Variants in ANKRD55 observed in about 807,000 individuals in gnomAD.
The protein encoded by ANKRD55 is ankyrin repeat domain 55, also known as ankyrin repeat domain-containing protein 55.
A neutral mutation model predicts 60.6 loss-of-function variants in ANKRD55; 41 were observed. That is an observed-to-expected ratio of 0.68 (90% CI 0.53 to 0.88). The LOEUF is 0.88. Ranked by LOEUF, ANKRD55 falls within the 40% of genes least tolerant of loss-of-function variation. ANKRD55 has a pLI of 0.00. For synonymous variants in ANKRD55, 264 were observed against 290.3 expected (o/e 0.91, Z 0.92); for missense variants, 732 against 767.6 (o/e 0.95, Z 0.55).
chr5:56,208,255 C>T (rs1480268162), intron 2 of ANKRD55, among the ~76,000 whole-genome samples: 2 of 151,652 alleles, frequency 1.3e-5, no homozygotes, highest in African/African-American at 4.8e-5. Context: ...GGAATACCTC[C>T]TGAGGGACCT....
At chr5:56,216,194 T>C (rs1028372228) in intron 2 of ANKRD55, among the ~76,000 whole-genome samples, 1 of 152,140 alleles carries the variant, frequency 6.6e-6, no homozygotes, top group African/African-American at 2.4e-5. Flanking sequence ...TGGTCACCTG[T>C]CATCAGTGAT....
intron 4 of ANKRD55, among the ~76,000 whole-genome samples, 185 bp from the exon 5 acceptor site, chr5:56,170,988 A>ACAGATTC (rs919862181): frequency 1.8e-4 from 27 of 152,312 alleles, no homozygotes; most frequent in African/African-American, 5.5e-4. Context: ...GTCTTGAAGT[A>ACAGATTC]CAGATTCCCA....
At chr5:56,153,017 G>A (rs1051857496) in intron 6 of ANKRD55, among the ~76,000 whole-genome samples, 3 of 152,042 alleles carry the variant, frequency 2.0e-5, no homozygotes, top group Non-Finnish European at 4.4e-5. Flanking sequence ...AACAGCCTAC[G>A]AAAAAGTATT....
chr5:56,187,672 G>C (rs1176255204), intron 2 of ANKRD55, among the ~76,000 whole-genome samples: 2 of 152,248 alleles, frequency 1.3e-5, no homozygotes, highest in Non-Finnish European at 2.9e-5. Flanking sequence ...CTAAAGGCTT[G>C]CCATTGTTCC....
At chr5:56,129,936 C>A (rs1420152718) in intron 7 of ANKRD55, among the ~76,000 whole-genome samples, 1 of 152,150 alleles carries the variant, frequency 6.6e-6, no homozygotes, top group Non-Finnish European at 1.5e-5. Context: ...ACATGTTAGA[C>A]TAGAATGGAG....
intron 2 of ANKRD55, among the ~76,000 whole-genome samples, chr5:56,219,601 C>T (rs930724847): frequency 6.6e-6 from 1 of 152,178 alleles, no homozygotes; most frequent in Non-Finnish European, 1.5e-5. Context: ...GTAGATCATT[C>T]ATGATATAAG....
chr5:56,220,299 A>T (rs1303623712), intron 2 of ANKRD55, among the ~76,000 whole-genome samples: 1 of 152,206 alleles, frequency 6.6e-6, no homozygotes, highest in Non-Finnish European at 1.5e-5. Context: ...AGTCCATAAG[A>T]AGAGCCATAA....
intron 5 of ANKRD55, chr5:56,162,095 G>A (rs1479716425): frequency 1.0e-6 from 1 of 956,428 alleles, no homozygotes; most frequent in African/African-American, 1.8e-5. Flanking sequence ...AGGAGGGAAG[G>A]GCAAGGCAGG....
At chr5:56,126,796 C>A in intron 8 of ANKRD55, 126 bp downstream of exon 8, 1 of 1,036,480 alleles carries the variant, frequency 9.6e-7, no homozygotes, top group Non-Finnish European at 1.4e-6. Flanking sequence ...TTGTCACAAG[C>A]CCATGTGTAT....
chr5:56,193,337 G>T, intron 2 of ANKRD55: 9 of 907,104 alleles, frequency 9.9e-6, no homozygotes, highest in Non-Finnish European at 1.5e-5. Flanking sequence ...CACTGGAAAA[G>T]AAACTTTTCA....
chr5:56,229,093 GTTTTTTTT>G (rs77788173), intron 2 of ANKRD55, among the ~76,000 whole-genome samples: 1 of 126,774 alleles, frequency 7.9e-6, no homozygotes, highest in Admixed American at 7.9e-5. Flanking sequence ...CCCCTCGCCT[GTTTTTTTT>G]TTTTTTTTTC....
chr5:56,155,518 G>A (rs1362906389), intron 6 of ANKRD55, among the ~76,000 whole-genome samples: 2 of 152,126 alleles, frequency 1.3e-5, no homozygotes, highest in Non-Finnish European at 2.9e-5. Flanking sequence ...TCTCTCTCCT[G>A]ATTTCTCAGA....
intron 7 of ANKRD55, 101 bp from the exon 8 acceptor site, chr5:56,127,207 G>A (rs528539678): frequency 1.3e-5 from 17 of 1,309,434 alleles, no homozygotes; most frequent in South Asian, 8.9e-5. Flanking sequence ...AGGAAAGAAA[G>A]AAAGAAAGAA....
At chr5:56,126,835 GA>G in intron 8 of ANKRD55, 86 bp downstream of exon 8, 7 of 1,437,380 alleles carry the variant, frequency 4.9e-6, no homozygotes, top group Non-Finnish European at 6.6e-6. Context: ...AGCTGTATAG[GA>G]CACCTCCTTA....
chr5:56,150,418 A>G (rs1758011273), intron 6 of ANKRD55, among the ~76,000 whole-genome samples: 1 of 145,566 alleles, frequency 6.9e-6, no homozygotes, highest in African/African-American at 2.6e-5. Flanking sequence ...AGCCTTGGCA[A>G]CATGGTGAAA....
chr5:56,210,830 A>C (rs1329683641), intron 2 of ANKRD55, among the ~76,000 whole-genome samples: 1 of 152,198 alleles, frequency 6.6e-6, no homozygotes, highest in Non-Finnish European at 1.5e-5. Context: ...ACTTAATATA[A>C]ATTTGTAAAC....
intron 2 of ANKRD55, among the ~76,000 whole-genome samples, chr5:56,215,315 T>C (rs66988216): frequency 0.099 from 15,008 of 152,204 alleles, 1,332 homozygotes; most frequent in African/African-American, 0.24. Context: ...TTTTAACCTC[T>C]TTCTCCTCCT....
intron 4 of ANKRD55, among the ~76,000 whole-genome samples, chr5:56,175,703 C>T (rs191415436): frequency 6.6e-6 from 1 of 152,150 alleles, no homozygotes; most frequent in African/African-American, 2.4e-5. Context: ...CCAGTCCCTC[C>T]CACCACCTTC....
chr5:56,187,942 T>C (rs1295346007), intron 2 of ANKRD55, among the ~76,000 whole-genome samples: 13 of 152,170 alleles, frequency 8.5e-5, no homozygotes. Context: ...GTCCACAAAA[T>C]ATCCAGTTGA....
Sources: allele counts gnomAD v4.1 joint callset (sites outside exome capture counted in the v4.1 genomes callset), GRCh38; gene constraint gnomAD v4.1.1; transcripts MANE v1.5; gene names NCBI Gene and HGNC (gene_info 2026-07-23, HGNC 2026-07-21).